TGFBR1: variants seen among roughly 807,000 people sequenced by gnomAD.
The protein encoded by TGFBR1 is TGF-beta receptor type-1.
TGFBR1 carries 20 observed loss-of-function variants against 55.1 expected under a neutral mutation model. The ratio of observed to expected loss-of-function variants is 0.36; its 90% CI spans 0.26 to 0.53. The LOEUF (loss-of-function observed/expected upper bound fraction) is 0.53, where lower values mean the gene tolerates loss of function less well. TGFBR1 is among the 20% of genes least tolerant of loss of function. The pLI is 0.91. For missense variants in TGFBR1, 385 were observed against 617.6 expected, an observed-to-expected ratio of 0.62 and a Z score of 3.99; for synonymous variants, 220 against 214.8, an observed-to-expected ratio of 1.02 and a Z score of -0.21.
Position 99,146,617 on chromosome 9 carries a change from G to T in TGFBR1, c.1255+8G>T. ...GACGATGTTCCATTGGTGGTAAATT[G>T]CTCTCCTCTCCCCCAGTAGTTTGTC... is the stretch of plus-strand genomic sequence containing the variant. On this transcript the variant is annotated splice_region_variant and intron_variant, in intron 7 of 8. Transcript: ENST00000374994. 1 of 1,613,852 alleles carries T rather than the reference G, an allele frequency of 6.2e-7. No homozygotes were observed. The highest frequency in any genetic ancestry group is 1.1e-5 in the South Asian group (1 of 91,076).
At chr9:99,107,558 C>A (rs748428253) in intron 1 of TGFBR1, among the ~76,000 whole-genome samples, 3 of 152,226 alleles carry the variant, frequency 2.0e-5, no homozygotes, top group Non-Finnish European at 4.4e-5. Flanking sequence ...CTCCTCCTTT[C>A]TTGGTATGCA....
chr9:99,113,960 T>A (rs1226096345), intron 1 of TGFBR1, among the ~76,000 whole-genome samples: 2 of 152,186 alleles, frequency 1.3e-5, no homozygotes, highest in African/African-American at 4.8e-5. Flanking sequence ...GTCGGACTTG[T>A]TTATCTCTAA....
chr9:99,105,422 G>C (rs960712770), intron 1 of TGFBR1, 120 bp downstream of exon 1: 8 of 865,984 alleles, frequency 9.2e-6, no homozygotes, highest in Non-Finnish European at 1.1e-5. Flanking sequence ...GCGGCGCCGG[G>C]GCCCGGGCCG....
chr9:99,148,156 T>G (rs992921165), intron 8 of TGFBR1, among the ~76,000 whole-genome samples: 3 of 152,204 alleles, frequency 2.0e-5, no homozygotes, highest in African/African-American at 7.2e-5. Flanking sequence ...AGGGTCTGAC[T>G]CTGAACAAAT....
At chr9:99,122,242 T>C (rs983602102) in intron 1 of TGFBR1, among the ~76,000 whole-genome samples, 1 of 152,070 alleles carries the variant, frequency 6.6e-6, no homozygotes, top group East Asian at 1.9e-4. Flanking sequence ...GTTGTGTAGA[T>C]GATGACACAC....
Position 99,144,712 on chromosome 9 carries a change from T to A in TGFBR1, c.974-20T>A. 6.2e-7 allele frequency: 1 copy of A among 1,613,374 alleles called. No homozygotes were observed. Among genetic ancestry groups the A allele is most frequent in the Non-Finnish European group, 8.5e-7 (1 of 1,179,682 alleles). On this transcript the variant is annotated intron_variant, in intron 5 of 8. Coordinates refer to ENST00000374994, the MANE Select transcript of TGFBR1 (RefSeq NM_004612.4). ...TGGTATTACCTTTTAAGCAGTCATG[T>A]TTAATTTTTGATTCTTTAGGAAAGC...
At chr9:99,145,941 G>A (rs762750894) in intron 6 of TGFBR1, 6 of 169,802 alleles carry the variant, frequency 3.5e-5, no homozygotes, top group Non-Finnish European at 7.6e-5. Flanking sequence ...GAGATCGGGC[G>A]TGTTTAGGGT....
chr9:99,140,735 C>T (rs1315413176), intron 4 of TGFBR1, among the ~76,000 whole-genome samples: 1 of 152,176 alleles, frequency 6.6e-6, no homozygotes, highest in Non-Finnish European at 1.5e-5. Context: ...AAGAACATAG[C>T]CACATTCATG....
chr9:99,142,356 G>T (rs1827640029), intron 4 of TGFBR1, among the ~76,000 whole-genome samples, 180 bp from the exon 5 acceptor site: 1 of 152,166 alleles, frequency 6.6e-6, no homozygotes, highest in Non-Finnish European at 1.5e-5. Context: ...AGGAACTAAA[G>T]GATGTGTACA....
Position 99,128,971 on chromosome 9 carries a change from A to G in TGFBR1, c.214A>G (p.Ile72Val). The G allele has an allele frequency of 6.2e-7, 1 of 1,614,028 alleles. No individual in the cohort carries two copies. The highest frequency in any genetic ancestry group is 8.5e-7 in the Non-Finnish European group (1 of 1,179,956). Residue 72 changes from isoleucine to valine, a missense_variant, in exon 2 of 9, where the codon ATA becomes GTA. Ile to Val is a conservative substitution (Grantham distance 29). Transcript: ENST00000374994. ...TDKVIHNSMC[I>V]AEIDLIPRDR... ...CAAAGTTATACACAACAGCATGTGTATAGCTGAAATTGACTTAATTCCTCG... is the reference window on the plus strand; with the variant it reads ...CAAAGTTATACACAACAGCATGTGTGTAGCTGAAATTGACTTAATTCCTCG...
chr9:99,149,040 C>T, intron 8 of TGFBR1, 140 bp from the exon 9 acceptor site: 1 of 875,226 alleles, frequency 1.1e-6, no homozygotes, highest in East Asian at 2.8e-5. Flanking sequence ...GTAATTTCTA[C>T]TCATTTGCTA....
At position 99,137,998 on chromosome 9, in the gene TGFBR1, A is replaced by C. The variant is rs1827490717; in HGVS notation, c.714A>C (p.Glu238Asp). 9.9e-6 allele frequency: 16 copies of C among 1,614,016 alleles called. No homozygotes were observed. The highest frequency in any genetic ancestry group is 1.3e-5 in the Non-Finnish European group (15 of 1,179,984). Residue 238 changes from glutamate to aspartate, a missense_variant, in exon 4 of 9, where the codon GAA (glutamate) becomes GAC (aspartate). Transcript: ENST00000374994. ...EVAVKIFSSR[E>D]ERSWFREAEI... ...CTGTTAAGATATTCTCCTCTAGAGA[A>C]GAACGTTCGTGGTTCCGTGAGGCAG...
At chr9:99,107,208 C>A (rs1826438620) in intron 1 of TGFBR1, among the ~76,000 whole-genome samples, 1 of 152,182 alleles carries the variant, frequency 6.6e-6, no homozygotes. Flanking sequence ...AGCTTGTCTG[C>A]CTCCCCTGTT....
rs571393440 is a variant in TGFBR1 at position 99,106,581 on chromosome 9, T to C, written c.97+1279T>C. Reference sequence around the variant, plus strand: ...ACCACAAGTAAACTCCCAGGAGTAGTGGCATTTGCCCCACTTTACAGATGT... The same window carrying C: ...ACCACAAGTAAACTCCCAGGAGTAGCGGCATTTGCCCCACTTTACAGATGT... On this transcript the variant is annotated intron_variant, in intron 1 of 8. Transcript: ENST00000374994. Among the ~76,000 whole-genome samples, 4 of 152,362 alleles carry C rather than the reference T, an allele frequency of 2.6e-5. No individual in the cohort carries two copies. The East Asian group carries it at 5.8e-4, about 22-fold the overall frequency.
intron 2 of TGFBR1, among the ~76,000 whole-genome samples, chr9:99,130,520 A>G (rs911447586): frequency 2.0e-5 from 3 of 152,258 alleles, no homozygotes; most frequent in Non-Finnish European, 4.4e-5. Context: ...GTGGCAAAGA[A>G]AAGGATAATT....
chr9:99,149,602 T>C lies in TGFBR1; in HGVS notation c.*297T>C, dbSNP rs199683401. 1.5e-5 allele frequency: 6 copies of C among 412,554 alleles called. No homozygotes were observed. Among genetic ancestry groups the C allele is most frequent in the Non-Finnish European group, 2.7e-5 (6 of 221,364 alleles). The allele number at this position is 412,554 out of a possible 1,614,324, so 25.6% of individuals were successfully genotyped here. ...AAAAGATGATTGCTGGTCTTAACTT[T>C]AGGTAACTCTGCTGTGCTGGAGATC... is the stretch of plus-strand genomic sequence containing the variant. On this transcript the variant is annotated 3_prime_UTR_variant, in exon 9 of 9. Coordinates refer to ENST00000374994, the MANE Select transcript of TGFBR1 (RefSeq NM_004612.4).
intron 1 of TGFBR1, among the ~76,000 whole-genome samples, chr9:99,106,442 A>T (rs1047923060): frequency 9.8e-5 from 15 of 152,336 alleles, no homozygotes; most frequent in African/African-American, 1.7e-4. Context: ...AAATTTTTTT[A>T]AAAAATCAAG....
At chr9:99,135,424 G>C (rs938833853) in intron 3 of TGFBR1, among the ~76,000 whole-genome samples, 2 of 152,166 alleles carry the variant, frequency 1.3e-5, no homozygotes, top group African/African-American at 2.4e-5. Context: ...TGAGGAAAAG[G>C]TATAAGCATT....
intron 1 of TGFBR1, among the ~76,000 whole-genome samples, chr9:99,128,198 T>C (rs1216822540): frequency 6.6e-6 from 1 of 152,202 alleles, no homozygotes; most frequent in African/African-American, 2.4e-5. Context: ...TTTCTGTAGT[T>C]AGGTTGCCTA....
Sources: gnomAD v4.1 joint callset for allele counts (sites outside exome capture counted in the v4.1 genomes callset) on GRCh38, gnomAD v4.1.1 for gene constraint, MANE v1.5 for transcripts, NCBI Gene and HGNC (gene_info 2026-07-23, HGNC 2026-07-21) for gene names.